The following SLC22A25 variants were observed in gnomAD, a reference collection of about 807,000 sequenced individuals.
The protein encoded by SLC22A25 is solute carrier family 22 member 25.
A neutral mutation model predicts 45.9 loss-of-function variants in SLC22A25; 44 were observed. The ratio of observed to expected loss-of-function variants is 0.96; its 90% confidence interval spans 0.75 to 1.23. The LOEUF is 1.23. SLC22A25 is among the 50% of genes most tolerant of loss of function. The probability of loss-of-function intolerance (pLI) is 0.00; values close to 1 mark genes in which losing one functional copy is unlikely to be tolerated. For missense variants in SLC22A25, 800 were observed against 666.4 expected (o/e 1.20, Z -2.21); for synonymous variants, 283 against 238.6 (o/e 1.19, Z -1.72).
At chr11:63,184,715 G>A (rs2088457715) in intron 7 of SLC22A25, among the ~76,000 whole-genome samples, 2 of 152,096 alleles carry the variant, frequency 1.3e-5, no homozygotes, top group South Asian at 4.1e-4. Context: ...TCTTTATAGG[G>A]ATGTACATAT....
chr11:63,160,783 A>G lies in SLC22A25; in HGVS notation c.*3041T>C, dbSNP rs1333928095. Among the ~76,000 whole-genome samples the G allele has an allele frequency of 6.6e-6, 1 of 152,206 alleles. No homozygotes were observed. The highest frequency in any genetic ancestry group is 1.5e-5 in the Non-Finnish European group (1 of 68,038). ...CACAGAAGCAGAGCTGCCCAAGAGCATGGAAACCCACCTTTTGCATCATTG... is the reference window on the plus strand; with the variant it reads ...CACAGAAGCAGAGCTGCCCAAGAGCGTGGAAACCCACCTTTTGCATCATTG... On this transcript the variant is annotated 3_prime_UTR_variant, in exon 12 of 12. Coordinates refer to ENST00000306494, the MANE Select transcript of SLC22A25 (RefSeq NM_199352.6).
chr11:63,236,649 C>A (rs1040985770), intron 3 of SLC22A25, among the ~76,000 whole-genome samples: 1 of 151,694 alleles, frequency 6.6e-6, no homozygotes, highest in African/African-American at 2.4e-5. Context: ...CACCCACTGT[C>A]CTGCACCCAC....
chr11:63,167,416 G>A (rs1206157812), intron 9 of SLC22A25: 1 of 152,326 alleles, frequency 6.6e-6, no homozygotes, highest in African/African-American at 2.4e-5. Flanking sequence ...AGAACCACTG[G>A]CTTGAAATTC....
intron 9 of SLC22A25, among the ~76,000 whole-genome samples, chr11:63,178,476 A>AC (rs1565071724): frequency 1.4e-5 from 2 of 147,680 alleles, no homozygotes; most frequent in East Asian, 4.0e-4. Flanking sequence ...CTTCCCCAGC[A>AC]TTTTTTTTTT....
At chr11:63,242,178 A>G (rs781019673) in intron 1 of SLC22A25, among the ~76,000 whole-genome samples, 2 of 152,180 alleles carry the variant, frequency 1.3e-5, no homozygotes, top group Non-Finnish European at 2.9e-5. Flanking sequence ...AAATGGTGCT[A>G]TTTACCTCCC....
At chr11:63,213,768 G>A (rs1170711765) in intron 7 of SLC22A25, among the ~76,000 whole-genome samples, 2 of 152,174 alleles carry the variant, frequency 1.3e-5, no homozygotes, top group African/African-American at 4.8e-5. Context: ...TATGGTGGAC[G>A]AAGTGTTCTC....
intron 5 of SLC22A25, chr11:63,218,279 A>G (rs1162247461): frequency 3.1e-6 from 1 of 321,528 alleles, no homozygotes; most frequent in African/African-American, 2.2e-5. Context: ...TCCTCAACTT[A>G]TAAGGGGGAG....
intron 4 of SLC22A25, among the ~76,000 whole-genome samples, chr11:63,228,832 C>G (rs188551235): frequency 6.6e-6 from 1 of 152,102 alleles, no homozygotes; most frequent in Non-Finnish European, 1.5e-5. Flanking sequence ...ATTTGAGAAC[C>G]TTTAAATATT....
chr11:63,215,731 C>A (rs2089692582), intron 7 of SLC22A25, among the ~76,000 whole-genome samples: 1 of 152,074 alleles, frequency 6.6e-6, no homozygotes, highest in South Asian at 2.1e-4. Flanking sequence ...GTATTAATCC[C>A]AGTACCCATA....
intron 7 of SLC22A25, among the ~76,000 whole-genome samples, chr11:63,200,657 G>A (rs2134777326): frequency 6.6e-6 from 1 of 152,196 alleles, no homozygotes; most frequent in Non-Finnish European, 1.5e-5. Flanking sequence ...TTCCTGGCCA[G>A]GGCAATCAGG....
In SLC22A25 at chr11:63,161,358, G is replaced by T. The variant is rs2087531433; in HGVS notation, c.*2466C>A. Among the ~76,000 whole-genome samples the T allele has an allele frequency of 6.6e-6, 1 of 152,188 alleles. No individual in the cohort carries two copies. Among genetic ancestry groups the T allele is most frequent in the African/African-American group, 2.4e-5 (1 of 41,444 alleles). ...AAATGAGTTAAAACTTTGGGGGACT[G>T]TTGGGAAGGCATGATTAGTTTTGAA... On this transcript the variant is annotated 3_prime_UTR_variant, in exon 12 of 12. Transcript: ENST00000306494.
intron 7 of SLC22A25, among the ~76,000 whole-genome samples, chr11:63,210,740 C>G (rs186231806): frequency 7.2e-5 from 11 of 152,210 alleles, no homozygotes; most frequent in Admixed American, 4.6e-4. Context: ...TGGTAACTCA[C>G]CCAATTAGCC....
chr11:63,176,996 T>C (rs2088112629), intron 9 of SLC22A25, among the ~76,000 whole-genome samples: 2 of 152,042 alleles, frequency 1.3e-5, no homozygotes, highest in African/African-American at 4.8e-5. Context: ...TTTCTCTTCA[T>C]TTTTGAAGGC....
At chr11:63,185,820 T>C (rs1316161619) in intron 7 of SLC22A25, among the ~76,000 whole-genome samples, 1 of 148,848 alleles carries the variant, frequency 6.7e-6, no homozygotes, top group Non-Finnish European at 1.5e-5. Flanking sequence ...TGCGATAGTT[T>C]ACTGAGAATG....
rs1219735481 is a variant in SLC22A25, at chr11:63,229,896, A to C, written c.-244T>G. The stretch of plus-strand genomic sequence containing the variant: ...CACATAAGAAATAATTGGCTCAGAT[A>C]CTTCCAACCATTTTCAATGAAATGT... On this transcript the variant is annotated 5_prime_UTR_variant, in exon 4 of 12. Transcript: ENST00000306494. Among the ~76,000 whole-genome samples, 5 of 152,192 alleles carry C rather than the reference A, an allele frequency of 3.3e-5. No homozygotes were observed. Among genetic ancestry groups the C allele is most frequent in the Non-Finnish European group, 7.3e-5 (5 of 68,038 alleles).
intron 7 of SLC22A25, among the ~76,000 whole-genome samples, chr11:63,200,326 C>T (rs2089199843): frequency 6.7e-6 from 1 of 149,014 alleles, no homozygotes; most frequent in Non-Finnish European, 1.5e-5. Context: ...TAGACTTTAT[C>T]CTTGGGAAGT....
At chr11:63,239,184 A>G (rs2090209101) in intron 1 of SLC22A25, 49 bp from the exon 2 acceptor site, 1 of 152,268 alleles carries the variant, frequency 6.6e-6, no homozygotes, top group Non-Finnish European at 1.5e-5. Context: ...AAGAGAAAAA[A>G]TGTTTCCTTT....
intron 9 of SLC22A25, chr11:63,166,551 T>G: frequency 9.2e-7 from 1 of 1,083,332 alleles, no homozygotes. Flanking sequence ...AAAACCAATG[T>G]AGCCACATGG....
At chr11:63,201,067 G>T (rs1269385668) in intron 7 of SLC22A25, among the ~76,000 whole-genome samples, 1 of 152,090 alleles carries the variant, frequency 6.6e-6, no homozygotes, top group Admixed American at 6.5e-5. Flanking sequence ...TGTTAAAGTG[G>T]CCATACTGCC....
Sources: allele counts gnomAD v4.1 joint callset (sites outside exome capture counted in the v4.1 genomes callset), GRCh38; gene constraint gnomAD v4.1.1; transcripts MANE v1.5; gene names NCBI Gene and HGNC (gene_info 2026-07-23, HGNC 2026-07-21).